Variants in ZFP64 observed in about 807,000 individuals in gnomAD.
ZFP64 encodes the protein ZFP64 zinc finger protein, also known as zinc finger protein 64.
ZFP64 carries 14 observed loss-of-function variants against 51.6 expected under a neutral mutation model. That is an observed-to-expected ratio of 0.27 (90% CI 0.18 to 0.42). The LOEUF (loss-of-function observed/expected upper bound fraction) is 0.42. ZFP64 is among the 10% of genes least tolerant of loss of function. The pLI is 1.00. For synonymous variants in ZFP64, 375 were observed against 361.4 expected (o/e 1.04, Z -0.43); for missense variants, 754 against 906.8 (o/e 0.83, Z 2.16).
intron 5 of ZFP64, among the ~76,000 whole-genome samples, chr20:52,121,221 C>G (rs181332118): frequency 1.3e-5 from 2 of 152,290 alleles, no homozygotes; most frequent in East Asian, 3.9e-4. Context: ...GGTGGTGCAT[C>G]TCTCACTTTA....
chr20:52,147,567 A>G (rs533428772), downstream of ZFP64, among the ~76,000 whole-genome samples: 18 of 152,318 alleles, frequency 1.2e-4, no homozygotes, highest in East Asian at 3.5e-3. Flanking sequence ...ATTATAAATC[A>G]TATTTATCAG....
At chr20:52,105,133 C>G (rs1232788756) in intron 5 of ZFP64, 2 of 1,422,658 alleles carry the variant, frequency 1.4e-6, no homozygotes, top group Non-Finnish European at 1.8e-6. Flanking sequence ...GCTACTCACC[C>G]GGCTCCCCCG....
chr20:52,114,485 G>T (rs1014995225), intron 5 of ZFP64, among the ~76,000 whole-genome samples: 1 of 152,090 alleles, frequency 6.6e-6, no homozygotes, highest in Admixed American at 6.6e-5. Flanking sequence ...GCAGATTCAG[G>T]GCAACAAACA....
chr20:52,147,944 C>T (rs1405129915), downstream of ZFP64, among the ~76,000 whole-genome samples: 1 of 152,004 alleles, frequency 6.6e-6, no homozygotes, highest in East Asian at 1.9e-4. Context: ...TCTCTTGAAC[C>T]CAGGAGGTGG....
At position 52,085,816 on chromosome 20, in the gene ZFP64, G is replaced by T. The variant is rs192187630; in HGVS notation, c.1229-550C>A. Among the ~76,000 whole-genome samples, 241 of 152,278 alleles carry T rather than the reference G, an allele frequency of 1.6e-3. 2 individuals are homozygous for T. Among genetic ancestry groups the T allele is most frequent in the Non-Finnish European group, 2.4e-3 (164 of 68,040 alleles). Reference sequence around the variant, plus strand: ...ATAATATTAATGCATAATTATGGCAGCAGGGGACAAATAATAAAGAGCCAT... The same window carrying T: ...ATAATATTAATGCATAATTATGGCATCAGGGGACAAATAATAAAGAGCCAT... On this transcript the variant is annotated intron_variant, in intron 8 of 8. Coordinates refer to the ZFP64 transcript ENST00000361387. The surrounding 1 kb of genome is among the most constrained non-coding windows in gnomAD (Gnocchi z 4.3).
intron 5 of ZFP64, among the ~76,000 whole-genome samples, chr20:52,136,918 C>T (rs374500207): frequency 6.6e-5 from 10 of 152,240 alleles, no homozygotes; most frequent in East Asian, 5.8e-4. Flanking sequence ...GCATCCACCA[C>T]CACACCCAGC....
At chr20:52,132,740 T>G (rs999071723) in intron 5 of ZFP64, among the ~76,000 whole-genome samples, 1 of 152,076 alleles carries the variant, frequency 6.6e-6, no homozygotes, top group Admixed American at 6.6e-5. Flanking sequence ...AAGAAACGCC[T>G]GGGACTCGAT....
At chr20:52,149,290 A>AG (rs34826064), downstream of ZFP64, among the ~76,000 whole-genome samples, 26,892 of 148,906 alleles carry the variant, frequency 0.18, 2,729 homozygotes, top group Admixed American at 0.25. Flanking sequence ...AAAAAAAAAA[A>AG]AGCTGAATAT....
Position 52,160,100 on chromosome 20 carries a change from A to C in ZFP64, c.763+23T>G. Reference sequence around the variant, plus strand: ...GCCATAGAAAGTGAGGAGCGTAGAGAGCAAATAACAGGCAGGACTCACCCG... The same window carrying C: ...GCCATAGAAAGTGAGGAGCGTAGAGCGCAAATAACAGGCAGGACTCACCCG... On this transcript the variant is annotated intron_variant, in intron 5 of 5. Transcript: ENST00000216923. The surrounding 1 kb of genome is among the most constrained non-coding windows in gnomAD (Gnocchi z 4.2). 6.2e-7 allele frequency: 1 copy of C among 1,614,210 alleles called. No individual in the cohort carries two copies.
intron 5 of ZFP64, among the ~76,000 whole-genome samples, chr20:52,112,025 T>A (rs1463843124): frequency 2.1e-5 from 3 of 143,706 alleles, no homozygotes; most frequent in African/African-American, 7.9e-5. Flanking sequence ...GAGGTTTCAG[T>A]GAGCCAAAAT....
chr20:52,141,336 CCTT>C, intron 5 of ZFP64, among the ~76,000 whole-genome samples: 1 of 152,192 alleles, frequency 6.6e-6, no homozygotes, highest in Middle Eastern at 3.4e-3. Flanking sequence ...AAATTGGAAA[CCTT>C]CTAAAAAGGA....
Position 52,113,639 on chromosome 20 carries a change from A to G in ZFP64, c.764-15052T>C, listed in dbSNP as rs562094050. ...TTTTTAGGAGAGACAGGGTTTTACC[A>G]TGTTGGCCAGGCTGGTCTCGAACTC... On this transcript the variant is annotated intron_variant, in intron 5 of 8. Coordinates refer to the ZFP64 transcript ENST00000361387. Among the ~76,000 whole-genome samples, 4 of 139,806 alleles carry G rather than the reference A, an allele frequency of 2.9e-5. No homozygotes were observed. The South Asian group carries it at 9.2e-4, about 32-fold the overall frequency. 91.7% of individuals were successfully genotyped at this position (139,806 alleles called of 152,430 possible).
At position 52,134,531 on chromosome 20, in the gene ZFP64, T is replaced by C. The variant is rs546621189; in HGVS notation, c.763+25592A>G. The stretch of plus-strand genomic sequence containing the variant: ...GACTGACAACTTTTCAGCCTAAAGC[T>C]GCTTCTTTGCGATGCTTTCAGGAAG... On this transcript the variant is annotated intron_variant, in intron 5 of 8. Coordinates refer to the ZFP64 transcript ENST00000361387. Among the ~76,000 whole-genome samples the C allele has an allele frequency of 4.9e-3, 739 of 152,342 alleles. 5 individuals carry two copies. The highest frequency in any genetic ancestry group is 0.017 in the African/African-American group (690 of 41,578).
At chr20:52,166,947 C>T (rs1356768596) in intron 2 of ZFP64, among the ~76,000 whole-genome samples, 1 of 83,166 alleles carries the variant, frequency 1.2e-5, no homozygotes, top group African/African-American at 4.9e-5. Flanking sequence ...TAAGTATTTC[C>T]CCCCCTCAAA....
chr20:52,191,745 T>G lies in ZFP64; in HGVS notation c.-109A>C, dbSNP rs1209224170. The G allele has an allele frequency of 6.1e-6, 8 of 1,316,854 alleles. No homozygotes were observed. The highest frequency in any genetic ancestry group is 8.0e-6 in the Non-Finnish European group (8 of 997,928). The allele number at this position is 1,316,854 out of a possible 1,614,324, so 81.6% of individuals were successfully genotyped here. A position where few individuals can be genotyped will look rare whatever the true frequency, so the allele number is the denominator to read the frequency against. On this transcript the variant is annotated 5_prime_UTR_variant, in exon 1 of 6. Transcript: ENST00000216923. This position sits in a 1 kb window ranked among gnomAD's most constrained non-coding sequence, Gnocchi z 4.3. ...ATTTTTCCACACCCCCCACCCTGCC[T>G]TCTCCCAACTCTGCGAGGCGGGGAG...
At chr20:52,171,660 T>C (rs1982742336) in intron 2 of ZFP64, among the ~76,000 whole-genome samples, 1 of 152,050 alleles carries the variant, frequency 6.6e-6, no homozygotes, top group African/African-American at 2.4e-5. Context: ...TGGCTAATTT[T>C]TGTATTTTTA....
intron 5 of ZFP64, among the ~76,000 whole-genome samples, chr20:52,135,685 C>T (rs542738728): frequency 2.0e-5 from 3 of 152,044 alleles, no homozygotes; most frequent in Non-Finnish European, 2.9e-5. Context: ...GGCAGGGTTT[C>T]GACATGTTGC....
intron 5 of ZFP64, among the ~76,000 whole-genome samples, chr20:52,133,062 A>T (rs1979797921): frequency 6.6e-6 from 1 of 152,160 alleles, no homozygotes; most frequent in Non-Finnish European, 1.5e-5. Flanking sequence ...TATACAAATC[A>T]CTCAATGTAA....
At chr20:52,145,096 T>C (rs956580565) in intron 5 of ZFP64, among the ~76,000 whole-genome samples, 4 of 152,122 alleles carry the variant, frequency 2.6e-5, no homozygotes, top group Non-Finnish European at 4.4e-5. Context: ...ATTTTTAGAG[T>C]TGCACAAGCT....
Sources: gnomAD v4.1 joint callset for allele counts (sites outside exome capture counted in the v4.1 genomes callset) on GRCh38, gnomAD v4.1.1 for gene constraint, Gnocchi (gnomAD v3.1) non-coding constraint, MANE v1.5 for transcripts, NCBI Gene and HGNC (gene_info 2026-07-23, HGNC 2026-07-21) for gene names.